Variants in IRAG2 observed in about 807,000 individuals in gnomAD.
IRAG2 encodes the protein lymphoid restricted membrane protein.
A neutral mutation model predicts 69.9 loss-of-function variants in IRAG2; 45 were observed. The observed-to-expected ratio is 0.64, with a 90% confidence interval of 0.51 to 0.83. The LOEUF (loss-of-function observed/expected upper bound fraction) is 0.83, where lower values mean the gene tolerates loss of function less well. Among genes scored for constraint, IRAG2 ranks in the 40% least tolerant of loss-of-function variants. IRAG2 has a pLI of 0.00. For missense variants in IRAG2, 520 were observed against 587.0 expected, an observed-to-expected ratio of 0.89 and a Z score of 1.18; for synonymous variants, 193 against 202.4, an observed-to-expected ratio of 0.95 and a Z score of 0.40.
intron 2 of IRAG2, among the ~76,000 whole-genome samples, chr12:25,008,195 T>C (rs905561399): frequency 5.9e-5 from 9 of 152,212 alleles, no homozygotes; most frequent in African/African-American, 1.9e-4. Flanking sequence ...CTGAAATACA[T>C]CTATAATGAG....
chr12:25,058,898 G>A (rs1206615620), intron 1 of IRAG2, among the ~76,000 whole-genome samples: 1 of 152,216 alleles, frequency 6.6e-6, no homozygotes, highest in African/African-American at 2.4e-5. Context: ...ATGCAAAGGT[G>A]AATGCAAATT....
chr12:25,065,979 CTT>C (rs1290180413), intron 4 of IRAG2, among the ~76,000 whole-genome samples: 1 of 152,072 alleles, frequency 6.6e-6, no homozygotes, highest in African/African-American at 2.4e-5. Context: ...TACAGTGAAA[CTT>C]TACAAAAACA....
intron 5 of IRAG2, among the ~76,000 whole-genome samples, chr12:25,068,409 T>C (rs1232198373): frequency 1.3e-5 from 2 of 152,234 alleles, no homozygotes; most frequent in Admixed American, 6.5e-5. Context: ...GGCTATGTTT[T>C]AGTTCACCAA....
At chr12:25,102,434 T>G in intron 17 of IRAG2, 193 bp downstream of exon 17, 1 of 571,324 alleles carries the variant, frequency 1.8e-6, no homozygotes, top group Middle Eastern at 4.7e-4. Context: ...CCTGGCAGCA[T>G]GAAGAAAGTC....
intron 6 of IRAG2, among the ~76,000 whole-genome samples, chr12:25,072,292 G>A (rs1344509788): frequency 6.6e-6 from 1 of 152,204 alleles, no homozygotes; most frequent in Non-Finnish European, 1.5e-5. Context: ...GCTCCTGTAA[G>A]TTCCCTGAAG....
At chr12:25,085,657 C>G (rs577566248) in intron 10 of IRAG2, among the ~76,000 whole-genome samples, 1 of 146,952 alleles carries the variant, frequency 6.8e-6, no homozygotes, top group East Asian at 1.9e-4. Flanking sequence ...CCTGTTCTCA[C>G]TTAGGTCTGC....
intron 5 of IRAG2, among the ~76,000 whole-genome samples, chr12:25,016,908 A>G (rs939236587): frequency 1.3e-5 from 2 of 152,164 alleles, no homozygotes; most frequent in Non-Finnish European, 2.9e-5. Flanking sequence ...CTGGCAAATG[A>G]TGGCTACTTG....
chr12:25,049,765 G>A (rs952379489), upstream of IRAG2, among the ~76,000 whole-genome samples: 1 of 151,760 alleles, frequency 6.6e-6, no homozygotes, highest in African/African-American at 2.4e-5. Context: ...GGCGGATCAC[G>A]AGGTCAGGAG....
In IRAG2 at chr12:25,062,870, T is replaced by G. The variant is rs998706766; in HGVS notation, c.-334T>G. ...ACTATGATTCCCTGTCCTGCGCAGA[T>G]GCAATTCAACAACCTCTTCAAGAAA... On this transcript the variant is annotated 5_prime_UTR_variant, in exon 3 of 22. The change abolishes an upstream ATG in the 5' untranslated region. Coordinates refer to ENST00000556887, the MANE Select transcript of IRAG2 (RefSeq NM_001366544.2). 2.0e-5 allele frequency: 8 copies of G among 398,902 alleles called. No individual in the cohort carries two copies. The highest frequency in any genetic ancestry group is 3.5e-5 in the Non-Finnish European group (8 of 226,036). The allele number at this position is 398,902 out of a possible 1,614,324, so 24.7% of individuals were successfully genotyped here.
intron 16 of IRAG2, among the ~76,000 whole-genome samples, chr12:25,042,537 C>T (rs1944758730): frequency 6.6e-6 from 1 of 152,036 alleles, no homozygotes; most frequent in African/African-American, 2.4e-5. Flanking sequence ...GCTATCTTGG[C>T]TCACTGCAGC....
chr12:25,065,154 C>T (rs1459218619), intron 4 of IRAG2, among the ~76,000 whole-genome samples: 1 of 151,734 alleles, frequency 6.6e-6, no homozygotes, highest in Non-Finnish European at 1.5e-5. Context: ...ATGCTCTTAA[C>T]ATATCTATTA....
Position 25,079,436 on chromosome 12 carries a change from C to T in IRAG2, c.110C>T (p.Ser37Leu), listed in dbSNP as rs753672679. 22 of 1,613,196 alleles carry T rather than the reference C, an allele frequency of 1.4e-5. No individual in the cohort carries two copies. Among genetic ancestry groups the T allele is most frequent in the East Asian group, 8.9e-5 (4 of 44,886 alleles). ...CTACCATTACCCAGACACACTTCAT[C>T]GACAGACGGTACTATAACTTCAAGT... The part of the protein sequence containing the change: ...SSLPLPRHTS[S>L]TDGTITSSDP... Residue 37 changes from serine to leucine, a missense_variant, in exon 8 of 22, where the codon TCG (serine) becomes TTG (leucine). By Grantham distance (145) the Ser-to-Leu change is moderately radical. Transcript: ENST00000556887.
At chr12:25,027,674 A>G (rs1944634893) in intron 9 of IRAG2, among the ~76,000 whole-genome samples, 2 of 152,074 alleles carry the variant, frequency 1.3e-5, no homozygotes, top group Non-Finnish European at 2.9e-5. Flanking sequence ...GATCACGGGC[A>G]TGAGCCACTG....
intron 10 of IRAG2, among the ~76,000 whole-genome samples, chr12:25,086,192 G>A (rs1476342903): frequency 1.3e-5 from 2 of 152,168 alleles, no homozygotes; most frequent in Non-Finnish European, 2.9e-5. Context: ...TGAGATGAAG[G>A]TAGTATGAAT....
At chr12:24,998,152 A>T in the IRAG2 span, among the ~76,000 whole-genome samples, 1 of 152,222 alleles carries the variant, frequency 6.6e-6, no homozygotes, top group Non-Finnish European at 1.5e-5. Flanking sequence ...GAGACAGAAG[A>T]ACAGTTTTCA....
At chr12:25,070,811 T>C (rs1946293199) in intron 6 of IRAG2, among the ~76,000 whole-genome samples, 1 of 152,208 alleles carries the variant, frequency 6.6e-6, no homozygotes, top group Non-Finnish European at 1.5e-5. Context: ...TTGCCTATTT[T>C]TTATTAAAGC....
chr12:25,061,481 T>C (rs1051531093), intron 1 of IRAG2, 111 bp from the exon 2 acceptor site: 12 of 394,996 alleles, frequency 3.0e-5, no homozygotes, highest in African/African-American at 1.6e-4. Flanking sequence ...GGTGAGATCA[T>C]GCCACTGCAC....
chr12:25,016,103 C>T (rs117270121), intron 5 of IRAG2, among the ~76,000 whole-genome samples: 2 of 151,184 alleles, frequency 1.3e-5, no homozygotes, highest in Non-Finnish European at 2.9e-5. Flanking sequence ...GGCTGAGACA[C>T]GAGAATGGCT....
At chr12:25,039,453 C>G (rs768132136) in intron 16 of IRAG2, among the ~76,000 whole-genome samples, 1 of 152,110 alleles carries the variant, frequency 6.6e-6, no homozygotes, top group African/African-American at 2.4e-5. Context: ...TTTTTTGAGA[C>G]GAAGTCTCGC....
Sources: gnomAD v4.1 joint callset for allele counts (sites outside exome capture counted in the v4.1 genomes callset) on GRCh38, gnomAD v4.1.1 for gene constraint, MANE v1.5 for transcripts, NCBI Gene and HGNC (gene_info 2026-07-23, HGNC 2026-07-21) for gene names.